Variants in MYO1D observed in about 807,000 individuals in gnomAD.
MYO1D encodes myosin ID, also known as unconventional myosin-Id.
Under a neutral mutation model 122.0 loss-of-function variants are expected in MYO1D, and 83 were observed. That is an observed-to-expected ratio of 0.68 (90% CI 0.57 to 0.82). MYO1D has a LOEUF of 0.82. Ranked by LOEUF, MYO1D falls within the 40% of genes least tolerant of loss-of-function variation. The pLI, the probability that MYO1D is intolerant of heterozygous loss-of-function variation, is 0.00. For missense variants in MYO1D, 1,157 were observed against 1,269.5 expected, an observed-to-expected ratio of 0.91 and a Z score of 1.35; for synonymous variants, 464 against 446.9, an observed-to-expected ratio of 1.04 and a Z score of -0.48.
At chr17:32,653,702 C>T in intron 19 of MYO1D, 141 bp downstream of exon 19, 1 of 642,972 alleles carries the variant, frequency 1.6e-6, no homozygotes, top group South Asian at 2.0e-5. Flanking sequence ...TCCTACAATG[C>T]CTCAGCACAG....
chr17:32,651,519 CA>C (rs1173247265), intron 19 of MYO1D, among the ~76,000 whole-genome samples: 1 of 152,124 alleles, frequency 6.6e-6, no homozygotes, highest in African/African-American at 2.4e-5. Flanking sequence ...GAAAGTCTCT[CA>C]AGACAGAAAA....
intron 21 of MYO1D, among the ~76,000 whole-genome samples, chr17:32,526,336 A>T (rs1910341709): frequency 6.6e-6 from 1 of 152,194 alleles, no homozygotes; most frequent in African/African-American, 2.4e-5. Context: ...TATTTCTTAG[A>T]TTACATCAAA....
intron 1 of MYO1D, among the ~76,000 whole-genome samples, chr17:32,793,507 T>C (rs1183132852): frequency 1.3e-5 from 2 of 152,198 alleles, no homozygotes; most frequent in African/African-American, 4.8e-5. Flanking sequence ...TTGCTTGACA[T>C]TTGAATTATT....
At chr17:32,520,709 G>A (rs1028310923) in intron 21 of MYO1D, among the ~76,000 whole-genome samples, 7 of 152,320 alleles carry the variant, frequency 4.6e-5, no homozygotes, top group Admixed American at 4.6e-4. Flanking sequence ...TGTTCATCTA[G>A]ACATGATGCT....
At chr17:32,740,274 G>T (rs936984506) in intron 13 of MYO1D, among the ~76,000 whole-genome samples, 1 of 152,092 alleles carries the variant, frequency 6.6e-6, no homozygotes, top group Admixed American at 6.6e-5. Context: ...ACTGGTGTTT[G>T]GTCTATGCAG....
chr17:32,863,504 G>C (rs1325812894), intron 1 of MYO1D, among the ~76,000 whole-genome samples: 2 of 152,148 alleles, frequency 1.3e-5, no homozygotes, highest in Non-Finnish European at 2.9e-5. Context: ...AATTAAGAGG[G>C]GAAAGGGAAT....
chr17:32,674,958 T>C (rs912532940), intron 16 of MYO1D, among the ~76,000 whole-genome samples: 1 of 152,214 alleles, frequency 6.6e-6, no homozygotes, highest in Admixed American at 6.5e-5. Flanking sequence ...ATACTTCTTT[T>C]TCATTTTCCT....
intron 21 of MYO1D, chr17:32,495,415 A>C (rs1459555602): frequency 1.3e-5 from 2 of 153,128 alleles, no homozygotes; most frequent in African/African-American, 4.8e-5. Context: ...GGCTGCTCTC[A>C]TCTGGAGCTG....
chr17:32,561,688 CAAAAAAAA>C (rs60531756), intron 21 of MYO1D, among the ~76,000 whole-genome samples: 1 of 71,786 alleles, frequency 1.4e-5, no homozygotes, highest in African/African-American at 5.4e-5. Flanking sequence ...GGCTCTGTCT[CAAAAAAAA>C]AAAAAAAAAA....
chr17:32,631,089 G>C (rs2087999429), intron 20 of MYO1D, among the ~76,000 whole-genome samples: 1 of 152,130 alleles, frequency 6.6e-6, no homozygotes, highest in South Asian at 2.1e-4. Context: ...AGGTACTGGG[G>C]GTTTGGACTC....
chr17:32,840,293 C>T (rs562400454), intron 1 of MYO1D, among the ~76,000 whole-genome samples: 6 of 152,180 alleles, frequency 3.9e-5, no homozygotes, highest in Non-Finnish European at 7.3e-5. Context: ...GTATCTCATA[C>T]GACCCAAGGG....
intron 1 of MYO1D, among the ~76,000 whole-genome samples, chr17:32,844,126 T>G (rs1396994787): frequency 6.7e-6 from 1 of 149,836 alleles, no homozygotes; most frequent in Non-Finnish European, 1.5e-5. Context: ...TATTCTATTA[T>G]ATGTAACACA....
At chr17:32,496,395 T>G (rs930545439) in intron 21 of MYO1D, 59 of 152,370 alleles carry the variant, frequency 3.9e-4, no homozygotes, top group African/African-American at 1.3e-3. Flanking sequence ...ATTACGTATC[T>G]AATACTTAAT....
intron 20 of MYO1D, among the ~76,000 whole-genome samples, chr17:32,611,148 T>C (rs1195560823): frequency 1.3e-5 from 2 of 152,196 alleles, no homozygotes; most frequent in Admixed American, 6.5e-5. Context: ...TCAGAGCAGA[T>C]GTCCTCTCCT....
At chr17:32,646,621 G>C (rs962959678) in intron 19 of MYO1D, among the ~76,000 whole-genome samples, 2 of 152,146 alleles carry the variant, frequency 1.3e-5, no homozygotes, top group Non-Finnish European at 2.9e-5. Flanking sequence ...TAGGTCCCAT[G>C]TCCTTTTATA....
chr17:32,526,639 C>T (rs997510485), intron 21 of MYO1D, among the ~76,000 whole-genome samples: 3 of 150,922 alleles, frequency 2.0e-5, no homozygotes, highest in South Asian at 2.1e-4. Flanking sequence ...TAAGTATGGA[C>T]CCCTATTTTC....
At chr17:32,503,677 G>A (rs1909397697) in intron 21 of MYO1D, among the ~76,000 whole-genome samples, 1 of 152,212 alleles carries the variant, frequency 6.6e-6, no homozygotes, top group Non-Finnish European at 1.5e-5. Flanking sequence ...AATGCATTAA[G>A]TGCTTCATGA....
intron 21 of MYO1D, chr17:32,529,862 G>A (rs1009949468): frequency 2.0e-5 from 3 of 152,186 alleles, no homozygotes; most frequent in African/African-American, 7.2e-5. Context: ...GACTCCCAAC[G>A]CGTAAACAAA....
chr17:32,624,572 C>T (rs1031608461), intron 20 of MYO1D, among the ~76,000 whole-genome samples: 1 of 152,090 alleles, frequency 6.6e-6, no homozygotes, highest in Non-Finnish European at 1.5e-5. Context: ...ATCAGATCTT[C>T]TAAATAGCAG....
Sources: allele counts gnomAD v4.1 joint callset (sites outside exome capture counted in the v4.1 genomes callset), GRCh38; gene constraint gnomAD v4.1.1; transcripts MANE v1.5; gene names NCBI Gene and HGNC (gene_info 2026-07-23, HGNC 2026-07-21).